Variants in ZFHX3 observed in about 807,000 individuals in gnomAD.
ZFHX3 encodes the protein zinc finger homeobox protein 3.
A neutral mutation model predicts 279.1 loss-of-function variants in ZFHX3; 42 were observed. The observed-to-expected ratio is 0.15, with a 90% CI of 0.12 to 0.19. The LOEUF is 0.19. Ranked by LOEUF, ZFHX3 falls within the 10% of genes least tolerant of loss-of-function variation. The pLI is 1.00. For missense variants in ZFHX3, 4,981 were observed against 4,754.0 expected (o/e 1.05, Z -1.40); for synonymous variants, 2,293 against 1,957.8 (o/e 1.17, Z -4.52).
rs928194590 is a variant in ZFHX3 at position 73,615,330 on chromosome 16, A to G, written c.-1547+64850T>C. Among the ~76,000 whole-genome samples, 289 of 152,218 alleles carry G rather than the reference A, an allele frequency of 1.9e-3. 1 individual carries two copies. Among genetic ancestry groups the G allele is most frequent in the African/African-American group, 6.6e-3 (273 of 41,530 alleles). ...GACAGGGCTTGGTCAGGGGTAAGAA[A>G]GGCGATTCCAGCTCTCAGGAGGTAA... is the stretch of plus-strand genomic sequence containing the variant. On this transcript the variant is annotated intron_variant, in intron 2 of 17. Coordinates refer to the ZFHX3 transcript ENST00000641206.
intron 2 of ZFHX3, among the ~76,000 whole-genome samples, chr16:73,678,654 T>A (rs780343403): frequency 6.6e-6 from 1 of 152,080 alleles, no homozygotes; most frequent in Non-Finnish European, 1.5e-5. Context: ...AGTGTCTGGA[T>A]ATGACTCACC....
rs141818136 is a variant in ZFHX3 at position 73,043,164 on chromosome 16, C to T, written c.-50+4588G>A. Among the ~76,000 whole-genome samples the T allele has an allele frequency of 1.3e-3, 202 of 152,268 alleles. 2 individuals are homozygous for T. The Middle Eastern group carries it at 0.027, about 21-fold the overall frequency. On this transcript the variant is annotated intron_variant, in intron 1 of 9. Coordinates refer to ENST00000268489, the MANE Select transcript of ZFHX3 (RefSeq NM_006885.4). ...GGCAGCACATGTGTTAATACCAAAGCTCAAAGAACACACAGCAGAACCACC... is the reference window on the plus strand; with the variant it reads ...GGCAGCACATGTGTTAATACCAAAGTTCAAAGAACACACAGCAGAACCACC...
At chr16:72,938,991 C>T (rs1960272195) in intron 3 of ZFHX3, among the ~76,000 whole-genome samples, 1 of 148,724 alleles carries the variant, frequency 6.7e-6, no homozygotes. Flanking sequence ...TTCGGAGTCA[C>T]ACTTGCTGAC....
At chr16:73,639,575 G>A (rs1338428225) in intron 2 of ZFHX3, among the ~76,000 whole-genome samples, 1 of 152,084 alleles carries the variant, frequency 6.6e-6, no homozygotes, top group Non-Finnish European at 1.5e-5. Flanking sequence ...AGTGGCAAGG[G>A]CAGAATGAAA....
intron 1 of ZFHX3, among the ~76,000 whole-genome samples, chr16:73,791,906 C>T (rs921798435): frequency 1.3e-5 from 2 of 152,164 alleles, no homozygotes; most frequent in East Asian, 3.8e-4. Flanking sequence ...AAGTATGAAG[C>T]CATTCAAGCT....
At chr16:73,843,092 G>T (rs1212638189) in intron 1 of ZFHX3, among the ~76,000 whole-genome samples, 1 of 152,172 alleles carries the variant, frequency 6.6e-6, no homozygotes, top group East Asian at 1.9e-4. Flanking sequence ...GAATTTTCCA[G>T]AATAGGTGTC....
At chr16:73,179,669 A>G (rs1375803519) in intron 5 of ZFHX3, among the ~76,000 whole-genome samples, 1 of 152,186 alleles carries the variant, frequency 6.6e-6, no homozygotes, top group African/African-American at 2.4e-5. Flanking sequence ...AAATCAGGAG[A>G]TTAAGTCTCC....
intron 2 of ZFHX3, among the ~76,000 whole-genome samples, chr16:73,614,697 G>T (rs527774947): frequency 1.8e-4 from 27 of 152,236 alleles, no homozygotes; most frequent in Non-Finnish European, 5.9e-5. Context: ...TCACCTTTAT[G>T]AATAGAAAGT....
chr16:73,789,693 C>T (rs990360164), intron 1 of ZFHX3, among the ~76,000 whole-genome samples: 3 of 152,128 alleles, frequency 2.0e-5, no homozygotes, highest in Middle Eastern at 3.4e-3. Context: ...AAATACGTTG[C>T]CAGGCAGCAA....
intron 7 of ZFHX3, among the ~76,000 whole-genome samples, chr16:73,119,527 T>C (rs1280116435): frequency 6.6e-6 from 1 of 152,150 alleles, no homozygotes; most frequent in Non-Finnish European, 1.5e-5. Context: ...GAAGGAGGGC[T>C]CTGGGCCCTT....
At position 73,617,132 on chromosome 16, in the gene ZFHX3, C is replaced by G. The variant is rs112649680; in HGVS notation, c.-1547+63048G>C. On this transcript the variant is annotated intron_variant, in intron 2 of 17. Coordinates refer to the ZFHX3 transcript ENST00000641206. ...TGCACAGAGTTCTTTCTGCTCTAAACTAAACCCCTATTTCTCCACCATCTT... is the reference window on the plus strand; with the variant it reads ...TGCACAGAGTTCTTTCTGCTCTAAAGTAAACCCCTATTTCTCCACCATCTT... Among the ~76,000 whole-genome samples, 107 of 152,294 alleles carry G rather than the reference C, an allele frequency of 7.0e-4. 1 individual carries two copies. Among genetic ancestry groups the G allele is most frequent in the African/African-American group, 2.4e-3 (100 of 41,566 alleles).
chr16:73,283,122 G>C (rs1286712470), intron 4 of ZFHX3, among the ~76,000 whole-genome samples: 1 of 152,232 alleles, frequency 6.6e-6, no homozygotes, highest in Non-Finnish European at 1.5e-5. Flanking sequence ...TCCATTGCCA[G>C]TGCCACGTAA....
At chr16:72,915,024 C>T (rs750319981) in intron 3 of ZFHX3, among the ~76,000 whole-genome samples, 1 of 152,122 alleles carries the variant, frequency 6.6e-6, no homozygotes, top group Non-Finnish European at 1.5e-5. Context: ...AACAAAAACA[C>T]ATAGGCTAAC....
intron 3 of ZFHX3, among the ~76,000 whole-genome samples, chr16:72,890,471 C>T (rs1049904723): frequency 5.3e-5 from 8 of 151,158 alleles, no homozygotes; most frequent in Admixed American, 5.3e-4. Context: ...CTAATGAGGT[C>T]TTCAACTGTG....
rs770863186 is a variant in ZFHX3, at chr16:72,785,007, G to A, written c.*2157C>T. On this transcript the variant is annotated 3_prime_UTR_variant, in exon 10 of 10. Coordinates refer to ENST00000268489, the MANE Select transcript of ZFHX3 (RefSeq NM_006885.4). ...AGTGGCTTCAGCACTGGGGAAAGAAGCCCGAAAGGTGACCAATGGAACCTG... is the reference window on the plus strand; with the variant it reads ...AGTGGCTTCAGCACTGGGGAAAGAAACCCGAAAGGTGACCAATGGAACCTG... The A allele has an allele frequency of 6.6e-6, 1 of 152,608 alleles. No individual in the cohort carries two copies. The highest frequency in any genetic ancestry group is 1.5e-5 in the Non-Finnish European group (1 of 68,040). 9.5% of individuals were successfully genotyped at this position (152,608 alleles called of 1,614,324 possible).
At chr16:73,120,176 G>T (rs1393927542) in intron 7 of ZFHX3, among the ~76,000 whole-genome samples, 1 of 151,976 alleles carries the variant, frequency 6.6e-6, no homozygotes, top group African/African-American at 2.4e-5. Flanking sequence ...ATGACCCTTG[G>T]CTCATTTCCC....
At position 72,795,832 on chromosome 16, in the gene ZFHX3, G is replaced by A. The variant is rs869312913; in HGVS notation, c.6850C>T (p.Arg2284Ter). 1 of 1,614,108 alleles carries A rather than the reference G, an allele frequency of 6.2e-7. No individual in the cohort carries two copies. The highest frequency in any genetic ancestry group is 8.5e-7 in the Non-Finnish European group (1 of 1,180,032). Reference sequence around the variant, plus strand: ...TTCTGAAACCACACCACTATCACTCGGGTTGGAAGGTTCAGTAAATTAGAG... The same window carrying A: ...TTCTGAAACCACACCACTATCACTCAGGTTGGAAGGTTCAGTAAATTAGAG... ...QLSNLLNLPT[R>*]VIVVWFQNAR... Residue 2284 changes from arginine (R) to a stop codon, truncating the protein, a stop_gained, in exon 9 of 10, where the codon CGA becomes TGA. Coordinates refer to ENST00000268489, the MANE Select transcript of ZFHX3 (RefSeq NM_006885.4). LOFTEE classifies it high-confidence loss of function.
intron 1 of ZFHX3, among the ~76,000 whole-genome samples, chr16:72,981,450 C>T (rs191866848): frequency 2.0e-5 from 3 of 152,180 alleles, no homozygotes; most frequent in East Asian, 1.9e-4. Flanking sequence ...CTTGACTCAA[C>T]GGGTTAAGAA....
chr16:72,839,660 G>A (rs955038033), intron 4 of ZFHX3, among the ~76,000 whole-genome samples: 2 of 152,016 alleles, frequency 1.3e-5, no homozygotes, highest in African/African-American at 4.8e-5. Flanking sequence ...GGAGTTGATA[G>A]AAGAAGGTCT....
Sources: gnomAD v4.1 joint callset for allele counts (sites outside exome capture counted in the v4.1 genomes callset) on GRCh38, gnomAD v4.1.1 for gene constraint, MANE v1.5 for transcripts, NCBI Gene and HGNC (gene_info 2026-07-23, HGNC 2026-07-21) for gene names.